The following SH3BP1 variants were observed in gnomAD, a reference collection of about 807,000 sequenced individuals.
SH3BP1 encodes the protein SH3 domain binding protein 1, also known as SH3 domain-binding protein 1.
SH3BP1 carries 46 observed loss-of-function variants against 69.8 expected under a neutral mutation model. That is an observed-to-expected ratio of 0.66 (90% confidence interval 0.52 to 0.84). The LOEUF is 0.84. Among genes scored for constraint, SH3BP1 ranks in the 40% least tolerant of loss-of-function variants. The probability of loss-of-function intolerance (pLI) is 0.00; values close to 1 mark genes in which losing one functional copy is unlikely to be tolerated. For synonymous variants in SH3BP1, 403 were observed against 378.0 expected, an observed-to-expected ratio of 1.07 and a Z score of -0.77; for missense variants, 868 against 930.9, an observed-to-expected ratio of 0.93 and a Z score of 0.88.
rs140149865 is a variant in SH3BP1, at chr22:37,645,445, C to T, written c.859C>T (p.Arg287Trp). ...GGCAACCCACCTGCAAGAGCTGGGC[C>T]GGGAGATTGCCCTGCCCATCGAGGC... ...SLATHLQELG[R>W]EIALPIEACV... Residue 287 changes from arginine to tryptophan, a missense_variant, in exon 10 of 18, where the codon CGG becomes TGG. Physicochemically the swap from Arg to Trp is moderately radical, Grantham distance 101. This residue lies in a region of SH3BP1 where 387 missense variants were observed against 447.9 expected (regional missense o/e 0.86). Transcript: ENST00000649765. 1.5e-5 allele frequency: 25 copies of T among 1,613,882 alleles called. 1 individual carries two copies. The highest frequency in any genetic ancestry group is 1.1e-4 in the South Asian group (10 of 91,074).
intron 14 of SH3BP1, chr22:37,648,679 T>C: frequency 2.6e-6 from 1 of 382,716 alleles, no homozygotes; most frequent in Non-Finnish European, 4.7e-6. Flanking sequence ...ATGGGGGAGC[T>C]GGGAGCCCAG....
In SH3BP1 at chr22:37,643,079, C is replaced by A; in HGVS notation, c.397-19C>A. On this transcript the variant is annotated intron_variant, in intron 5 of 17. Transcript: ENST00000649765. The stretch of plus-strand genomic sequence containing the variant: ...TCCCTCCTCCCCCAGCACACTGACC[C>A]CCCCATGCCCATCCCCAGGAGGAGC... 6.2e-7 allele frequency: 1 copy of A among 1,610,212 alleles called. No homozygotes were observed. The highest frequency in any genetic ancestry group is 1.3e-5 in the African/African-American group (1 of 74,884).
At chr22:37,651,287 G>A (rs1005862506) in intron 16 of SH3BP1, among the ~76,000 whole-genome samples, 1 of 150,962 alleles carries the variant, frequency 6.6e-6, no homozygotes, top group African/African-American at 2.4e-5. Flanking sequence ...ACCCACCTTG[G>A]CCCCTGAAAG....
chr22:37,650,879 G>A, intron 16 of SH3BP1, 154 bp downstream of exon 16: 1 of 1,046,224 alleles, frequency 9.6e-7, no homozygotes, highest in Non-Finnish European at 1.4e-6. Flanking sequence ...AGAGGGTGGG[G>A]CAGAGACTCA....
In SH3BP1 at chr22:37,655,851, C is replaced by A; in HGVS notation, c.*167C>A. On this transcript the variant is annotated 3_prime_UTR_variant, in exon 18 of 18. Transcript: ENST00000649765. Reference sequence around the variant, plus strand: ...CATGGCCAGGAGGGCTCAGGACAATCCTCTATTTCCTGACCTTTTCCTCGT... The same window carrying A: ...CATGGCCAGGAGGGCTCAGGACAATACTCTATTTCCTGACCTTTTCCTCGT... The A allele has an allele frequency of 6.6e-6, 10 of 1,516,066 alleles. No homozygotes were observed. Among genetic ancestry groups the A allele is most frequent in the Non-Finnish European group, 7.9e-6 (9 of 1,139,200 alleles). The allele number at this position is 1,516,066 out of a possible 1,614,324, so 93.9% of individuals were successfully genotyped here. A position where few individuals can be genotyped will look rare whatever the true frequency, so the allele number is the denominator to read the frequency against.
At chr22:37,640,746 C>T (rs1003855338) in intron 1 of SH3BP1, 6 of 279,310 alleles carry the variant, frequency 2.1e-5, no homozygotes, top group Non-Finnish European at 4.2e-5. Context: ...TCCTGCACTT[C>T]CCGTTCTTGG....
In SH3BP1 at chr22:37,655,311, C is replaced by T. The variant is rs746090811; in HGVS notation, c.1733C>T (p.Pro578Leu). The T allele has an allele frequency of 1.3e-6, 2 of 1,564,902 alleles. No homozygotes were observed. Among genetic ancestry groups the T allele is most frequent in the Admixed American group, 1.8e-5 (1 of 56,690 alleles). The change falls in exon 18 of 18, where the codon CCC (proline) becomes CTC (leucine). Residue 578 changes from proline to leucine, a missense_variant. Pro to Leu is a moderately conservative substitution (Grantham distance 98). This residue lies in a region of SH3BP1 where 474 missense variants were observed against 462.3 expected (regional missense o/e 1.03). Transcript: ENST00000649765. ...CCAGCCCGGCCCACCATGCCGCCCC[C>T]CCAGGTCTCCGGCTCCCGCTCCTCC... The part of the protein sequence containing the change: ...PAPARPTMPP[P>L]QVSGSRSSPP...
rs1932595230 is a variant in SH3BP1, at chr22:37,641,469, C to A, written c.198C>A (p.Asp66Glu). 6.5e-7 allele frequency: 1 copy of A among 1,550,340 alleles called. No individual in the cohort carries two copies. The highest frequency in any genetic ancestry group is 8.7e-7 in the Non-Finnish European group (1 of 1,146,818). Residue 66 changes from aspartate to glutamate, a missense_variant, in exon 3 of 18, where the codon GAC becomes GAA. By Grantham distance (45) the Asp-to-Glu change is conservative. Coordinates refer to ENST00000649765, the MANE Select transcript of SH3BP1 (RefSeq NM_018957.6). ...CLQGQSGADM[D>E]KRVKKLPLMA... ...AGGGCCAGAGCGGGGCAGACATGGA[C>A]AAGCGGGTGGTGAGTGGGGGGTCCC...
Position 37,655,611 on chromosome 22 carries a change from T to C in SH3BP1, c.2033T>C (p.Ile678Thr). 1 of 1,570,254 alleles carries C rather than the reference T, an allele frequency of 6.4e-7. No individual in the cohort carries two copies. Among genetic ancestry groups the C allele is most frequent in the East Asian group, 2.3e-5 (1 of 43,772 alleles). Reference sequence around the variant, plus strand: ...GCAGAGGGAGGAGCCCCTGAGGCTATCAGTGGGGTCCCCACTCCCCCAGCT... The same window carrying C: ...GCAGAGGGAGGAGCCCCTGAGGCTACCAGTGGGGTCCCCACTCCCCCAGCT... ...ATAEGGAPEA[I>T]SGVPTPPAIP... Residue 678 changes from isoleucine (I) to threonine (T), a missense_variant, in exon 18 of 18, where the codon ATC (isoleucine) becomes ACC (threonine). By Grantham distance (89) the Ile-to-Thr change is moderately conservative. Around this residue, in one of 3 missense-constraint regions of SH3BP1, gnomAD observed 474 missense variants for 462.3 expected, o/e 1.03. Transcript: ENST00000649765.
chr22:37,639,986 T>G, intron 1 of SH3BP1, 140 bp downstream of exon 1: 11 of 585,950 alleles, frequency 1.9e-5, no homozygotes, highest in South Asian at 2.5e-5. Flanking sequence ...CTGCTCTCTC[T>G]TCCTCCTCTC....
chr22:37,647,784 T>C (rs1402573264), intron 13 of SH3BP1, among the ~76,000 whole-genome samples: 1 of 152,064 alleles, frequency 6.6e-6, no homozygotes, highest in Admixed American at 6.6e-5. Flanking sequence ...CAAGCAGTTC[T>C]CCTGCCTCAG....
intron 16 of SH3BP1, among the ~76,000 whole-genome samples, chr22:37,653,115 C>T (rs1932916236): frequency 1.3e-5 from 2 of 151,592 alleles, no homozygotes; most frequent in Non-Finnish European, 2.9e-5. Context: ...CCAGCCTGAG[C>T]GACAGAGCGA....
intron 6 of SH3BP1, 47 bp from the exon 7 acceptor site, chr22:37,643,597 G>C (rs1932694471): frequency 1.2e-6 from 2 of 1,613,274 alleles, no homozygotes; most frequent in South Asian, 2.2e-5. Context: ...CTTGGCTCTG[G>C]ACATGCAACA....
chr22:37,642,340 C>A, intron 3 of SH3BP1, 199 bp from the exon 4 acceptor site: 2 of 582,262 alleles, frequency 3.4e-6, no homozygotes. Flanking sequence ...GAGGAAAGGG[C>A]ACGCCAGATG....
At chr22:37,651,260 C>T (rs905119884) in intron 16 of SH3BP1, among the ~76,000 whole-genome samples, 4 of 151,658 alleles carry the variant, frequency 2.6e-5, no homozygotes, top group Non-Finnish European at 4.4e-5. Flanking sequence ...TCTTGAACTC[C>T]TGGCCTCAAA....
At chr22:37,643,526 G>T in intron 6 of SH3BP1, 118 bp from the exon 7 acceptor site, 1 of 1,412,976 alleles carries the variant, frequency 7.1e-7, no homozygotes. Flanking sequence ...GGCCAGTGGA[G>T]CTCTCAGATC....
chr22:37,655,681 C>A lies in SH3BP1; in HGVS notation c.2103C>A (p.Asn701Lys). 3 of 1,497,348 alleles carry A rather than the reference C, an allele frequency of 2.0e-6. No individual in the cohort carries two copies. The highest frequency in any genetic ancestry group is 2.7e-6 in the Non-Finnish European group (3 of 1,124,772). 92.8% of individuals were successfully genotyped at this position (1,497,348 alleles called of 1,614,324 possible). Residue 701 changes from asparagine (N) to lysine (K), a missense_variant, in exon 18 of 18, where the codon AAC (asparagine) becomes AAA (lysine). Physicochemically the swap from Asn to Lys is moderately conservative, Grantham distance 94. This residue lies in a region of SH3BP1 where 474 missense variants were observed against 462.3 expected (regional missense o/e 1.03). Coordinates refer to ENST00000649765, the MANE Select transcript of SH3BP1 (RefSeq NM_018957.6). ...CCAGGAGCCTTGCCTCAGAGACCAA[C>A]TGAGTGGCTGGTTTCTCCCTAAGCA... ...PRPRSLASET[N>K]
In SH3BP1 at chr22:37,655,721, C is replaced by A; in HGVS notation, c.*37C>A. On this transcript the variant is annotated 3_prime_UTR_variant, in exon 18 of 18. Transcript: ENST00000649765. ...CTCCCTAAGCAGCCCTCAGCACCCC[C>A]TCCCTCCCCACCTGGCCCTCCCAGG... The A allele has an allele frequency of 6.9e-7, 1 of 1,451,778 alleles. No individual in the cohort carries two copies. The highest frequency in any genetic ancestry group is 2.5e-5 in the East Asian group (1 of 39,816). 89.9% of individuals were successfully genotyped at this position (1,451,778 alleles called of 1,614,324 possible). A position where few individuals can be genotyped will look rare whatever the true frequency, so the allele number is the denominator to read the frequency against.
At chr22:37,649,291 C>T (rs952124854) in intron 14 of SH3BP1, among the ~76,000 whole-genome samples, 3 of 152,074 alleles carry the variant, frequency 2.0e-5, no homozygotes, top group Non-Finnish European at 2.9e-5. Context: ...AGTTTGAAAC[C>T]AGCCTGGGCA....
Sources: allele counts gnomAD v4.1 joint callset (sites outside exome capture counted in the v4.1 genomes callset), GRCh38; gene constraint gnomAD v4.1.1; regional missense constraint gnomAD v4.1.1; transcripts MANE v1.5; gene names NCBI Gene and HGNC (gene_info 2026-07-23, HGNC 2026-07-21).